Variants in PIP4K2A observed in about 807,000 individuals in gnomAD.
The protein encoded by PIP4K2A is phosphatidylinositol 5-phosphate 4-kinase type-2 alpha.
PIP4K2A carries 14 observed loss-of-function variants against 42.9 expected under a neutral mutation model. That is an observed-to-expected ratio of 0.33 (90% CI 0.22 to 0.51). The LOEUF (loss-of-function observed/expected upper bound fraction) is 0.51, where lower values mean the gene tolerates loss of function less well. Among genes scored for constraint, PIP4K2A ranks in the 20% least tolerant of loss-of-function variants. The probability of loss-of-function intolerance (pLI) is 0.97; values close to 1 mark genes in which losing one functional copy is unlikely to be tolerated. For missense variants in PIP4K2A, 434 were observed against 519.8 expected (o/e 0.83, Z 1.61); for synonymous variants, 192 against 192.2 (o/e 1.00, Z 0.01).
chr10:22,664,174 T>C (rs1262757102), intron 1 of PIP4K2A, among the ~76,000 whole-genome samples: 26 of 78,244 alleles, frequency 3.3e-4, no homozygotes, highest in East Asian at 5.4e-4. Context: ...TATACATATA[T>C]ATATATACAT....
chr10:22,714,099 C>T, intron 1 of PIP4K2A, 84 bp downstream of exon 1: 3 of 1,380,264 alleles, frequency 2.2e-6, no homozygotes, highest in Non-Finnish European at 2.9e-6. Context: ...CCCCGCCCCG[C>T]AGCAGCTGCA....
chr10:22,648,113 C>G (rs1838920321), intron 1 of PIP4K2A, among the ~76,000 whole-genome samples: 1 of 152,222 alleles, frequency 6.6e-6, no homozygotes, highest in Admixed American at 6.5e-5. Flanking sequence ...TATCTTCCTT[C>G]CAGTCTCTGT....
intron 5 of PIP4K2A, among the ~76,000 whole-genome samples, chr10:22,571,186 C>A (rs568901594): frequency 6.6e-6 from 1 of 152,188 alleles, no homozygotes; most frequent in Non-Finnish European, 1.5e-5. Flanking sequence ...TGAAACAACA[C>A]TTTTACTTGA....
At chr10:22,647,541 C>A (rs1162525714) in intron 1 of PIP4K2A, among the ~76,000 whole-genome samples, 1 of 152,140 alleles carries the variant, frequency 6.6e-6, no homozygotes, top group Non-Finnish European at 1.5e-5. Flanking sequence ...ATGAGATCTA[C>A]ACAACATGGA....
chr10:22,687,850 C>T lies in PIP4K2A; in HGVS notation c.144+26333G>A, dbSNP rs763231924. On this transcript the variant is annotated intron_variant, in intron 1 of 9. Transcript: ENST00000376573. ...TATTTGTTTTTCTCCCAAGTATTTT[C>T]GATCTGTGGTTGGTGGGATCTGCAA... 2.0e-5 allele frequency among the ~76,000 whole-genome samples: 3 copies of T among 152,074 alleles called. 1 individual carries two copies. The highest frequency in any genetic ancestry group is 4.1e-4 in the South Asian group (2 of 4,826).
At chr10:22,633,061 C>G (rs1838583061) in intron 1 of PIP4K2A, among the ~76,000 whole-genome samples, 1 of 152,164 alleles carries the variant, frequency 6.6e-6, no homozygotes, top group Non-Finnish European at 1.5e-5. Flanking sequence ...ACCACCTTAA[C>G]CCTGTGAAAT....
intron 6 of PIP4K2A, among the ~76,000 whole-genome samples, chr10:22,556,745 A>G (rs1836560386): frequency 6.6e-6 from 1 of 152,232 alleles, no homozygotes; most frequent in African/African-American, 2.4e-5. Flanking sequence ...CAGTGAACCC[A>G]CTGGGAACAT....
At chr10:22,642,397 G>A (rs1342948579) in intron 1 of PIP4K2A, among the ~76,000 whole-genome samples, 2 of 152,124 alleles carry the variant, frequency 1.3e-5, no homozygotes, top group Admixed American at 6.5e-5. Flanking sequence ...TACTAGGATA[G>A]GCTGGAAAAA....
chr10:22,667,894 T>C (rs890992436), intron 1 of PIP4K2A, among the ~76,000 whole-genome samples: 1 of 148,792 alleles, frequency 6.7e-6, no homozygotes, highest in Admixed American at 6.7e-5. Flanking sequence ...TGTGTGTGTG[T>C]GTGTGTGTGT....
At chr10:22,551,808 T>C (rs1836415231) in intron 6 of PIP4K2A, among the ~76,000 whole-genome samples, 1 of 152,202 alleles carries the variant, frequency 6.6e-6, no homozygotes, top group Admixed American at 6.5e-5. Context: ...CTGTCCTTCC[T>C]GGCTCCGGCA....
At chr10:22,655,264 T>C (rs926882271) in intron 1 of PIP4K2A, among the ~76,000 whole-genome samples, 3 of 152,200 alleles carry the variant, frequency 2.0e-5, no homozygotes, top group African/African-American at 4.8e-5. Context: ...TGAAGATTTT[T>C]AAGAAAAGCT....
intron 7 of PIP4K2A, among the ~76,000 whole-genome samples, chr10:22,548,458 AT>A (rs965623659): frequency 6.6e-6 from 1 of 152,122 alleles, no homozygotes; most frequent in African/African-American, 2.4e-5. Context: ...GAAAAAAACC[AT>A]TTTTTTAATA....
chr10:22,626,077 C>T (rs1254351237), intron 1 of PIP4K2A, among the ~76,000 whole-genome samples: 3 of 152,176 alleles, frequency 2.0e-5, no homozygotes, highest in East Asian at 3.9e-4. Flanking sequence ...AGCCATCCTG[C>T]GTGGTCCCGC....
chr10:22,551,865 G>A (rs897606451), intron 6 of PIP4K2A, among the ~76,000 whole-genome samples: 2 of 152,092 alleles, frequency 1.3e-5, no homozygotes, highest in Non-Finnish European at 1.5e-5. Flanking sequence ...AACACTCCCT[G>A]GGTCCATCGC....
At chr10:22,553,683 A>C (rs1836464815) in intron 6 of PIP4K2A, among the ~76,000 whole-genome samples, 2 of 152,108 alleles carry the variant, frequency 1.3e-5, no homozygotes, top group Non-Finnish European at 2.9e-5. Flanking sequence ...TGACAGATTC[A>C]AATAGTGGTG....
chr10:22,627,588 T>TAAAAAAAAAAAAAAAAAAAAA lies in PIP4K2A; in HGVS notation c.145-17872_145-17871insTTTTTTTTTTTTTTTTTTTTT, dbSNP rs1564448260. 7.7e-5 allele frequency among the ~76,000 whole-genome samples: 3 copies of TAAAAAAAAAAAAAAAAAAAAA among 38,922 alleles called. 1 individual carries two copies. Among genetic ancestry groups the TAAAAAAAAAAAAAAAAAAAAA allele is most frequent in the African/African-American group, 1.5e-4 (2 of 13,742 alleles). The allele number at this position is 38,922 out of a possible 152,430, so 25.5% of individuals were successfully genotyped here. ...ATTTGTTTAACCAAAAGCTAATATG[T>TAAAAAAAAAAAAAAAAAAAAA]AATAAAAAAAAAAAAAAAAAAAAAA... is the stretch of plus-strand genomic sequence containing the variant. On this transcript the variant is annotated intron_variant, in intron 1 of 9. Coordinates refer to ENST00000376573, the MANE Select transcript of PIP4K2A (RefSeq NM_005028.5).
chr10:22,550,481 C>T (rs141028548), intron 7 of PIP4K2A, among the ~76,000 whole-genome samples, 178 bp downstream of exon 7: 17 of 152,244 alleles, frequency 1.1e-4, no homozygotes, highest in African/African-American at 3.1e-4. Flanking sequence ...AACTGGCATG[C>T]GTTTGCTTTA....
At chr10:22,550,928 AG>A (rs1361401389) in intron 6 of PIP4K2A, among the ~76,000 whole-genome samples, 156 bp from the exon 7 acceptor site, 2 of 152,302 alleles carry the variant, frequency 1.3e-5, no homozygotes, top group East Asian at 1.9e-4. Context: ...AAATAGGAGA[AG>A]GCTTGAATAC....
At chr10:22,623,026 T>C (rs1455699030) in intron 1 of PIP4K2A, among the ~76,000 whole-genome samples, 1 of 152,118 alleles carries the variant, frequency 6.6e-6, no homozygotes, top group Non-Finnish European at 1.5e-5. Flanking sequence ...TCATAAATAA[T>C]GGCACAAGCA....
Sources: allele counts gnomAD v4.1 joint callset (sites outside exome capture counted in the v4.1 genomes callset), GRCh38; gene constraint gnomAD v4.1.1; transcripts MANE v1.5; gene names NCBI Gene and HGNC (gene_info 2026-07-23, HGNC 2026-07-21).